KCNQ3: variants seen among roughly 807,000 people sequenced by gnomAD.
KCNQ3 encodes potassium voltage-gated channel subfamily Q member 3.
A neutral mutation model predicts 92.5 loss-of-function variants in KCNQ3; 30 were observed. The ratio of observed to expected loss-of-function variants is 0.32; its 90% CI spans 0.24 to 0.44. The LOEUF is 0.44. Among genes scored for constraint, KCNQ3 ranks in the 20% least tolerant of loss-of-function variants. KCNQ3 has a pLI of 1.00. For missense variants in KCNQ3, 913 were observed against 1,140.3 expected (o/e 0.80, Z 2.87); for synonymous variants, 450 against 468.8 (o/e 0.96, Z 0.52).
chr8:132,361,036 G>A (rs1819151960), intron 1 of KCNQ3, among the ~76,000 whole-genome samples: 2 of 152,220 alleles, frequency 1.3e-5, no homozygotes, highest in Non-Finnish European at 2.9e-5. Context: ...TATCTCTCTG[G>A]TTTCCATTCC....
At chr8:132,232,647 T>C (rs1005167753) in intron 1 of KCNQ3, among the ~76,000 whole-genome samples, 3 of 152,222 alleles carry the variant, frequency 2.0e-5, no homozygotes, top group Non-Finnish European at 4.4e-5. Context: ...GAACAGAGCA[T>C]TCAAATAACA....
chr8:132,132,412 C>T, intron 13 of KCNQ3, 148 bp from the exon 14 acceptor site: 5 of 704,586 alleles, frequency 7.1e-6, no homozygotes, highest in Non-Finnish European at 1.3e-5. Flanking sequence ...ACTCTGGAGG[C>T]ATATGTGAGT....
At chr8:132,216,098 T>C (rs1250292119) in intron 1 of KCNQ3, among the ~76,000 whole-genome samples, 2 of 152,136 alleles carry the variant, frequency 1.3e-5, no homozygotes, top group South Asian at 2.1e-4. Context: ...AGCTGTATTA[T>C]GCAGTACTTG....
intron 1 of KCNQ3, among the ~76,000 whole-genome samples, chr8:132,191,382 G>A (rs187690119): frequency 3.1e-4 from 47 of 151,956 alleles, no homozygotes; most frequent in African/African-American, 1.1e-3. Flanking sequence ...GGTCTTGAAC[G>A]CCTAGACTCA....
intron 1 of KCNQ3, among the ~76,000 whole-genome samples, chr8:132,384,414 C>T (rs534690268): frequency 7.9e-5 from 12 of 152,268 alleles, no homozygotes; most frequent in East Asian, 3.9e-4. Flanking sequence ...AATTCCAGGA[C>T]GGAGACAGGC....
At position 132,248,142 on chromosome 8, in the gene KCNQ3, T is replaced by C. The variant is rs537991723; in HGVS notation, c.387-61961A>G. Among the ~76,000 whole-genome samples the C allele has an allele frequency of 4.1e-4, 62 of 152,240 alleles. 1 individual carries two copies. In the South Asian group the frequency reaches 4.6e-3, roughly 11 times the overall value. On this transcript the variant is annotated intron_variant, in intron 1 of 14. Transcript: ENST00000388996. Reference sequence around the variant, plus strand: ...CTCCATGAAATGTACATATCAAAAATATATATCTGCATGTAAGAGAAACAC... The same window carrying C: ...CTCCATGAAATGTACATATCAAAAACATATATCTGCATGTAAGAGAAACAC...
chr8:132,433,664 C>T (rs933615330), intron 1 of KCNQ3, among the ~76,000 whole-genome samples: 6 of 151,850 alleles, frequency 4.0e-5, no homozygotes, highest in South Asian at 2.1e-4. Context: ...CCAAGGCAGG[C>T]GGATCACCTG....
In KCNQ3 at chr8:132,125,158, A is replaced by AT. The variant is rs1436528189; in HGVS notation, c.*4103dup. 2 of 152,114 alleles carry AT rather than the reference A, an allele frequency of 1.3e-5. No individual in the cohort carries two copies. Among genetic ancestry groups the AT allele is most frequent in the Non-Finnish European group, 2.9e-5 (2 of 68,024 alleles). 9.4% of individuals were successfully genotyped at this position (152,114 alleles called of 1,614,324 possible). On this transcript the variant is annotated 3_prime_UTR_variant, in exon 15 of 15. Coordinates refer to ENST00000388996, the MANE Select transcript of KCNQ3 (RefSeq NM_004519.4). Reference sequence around the variant, plus strand: ...AACAATCTTCCTCAGATTCCCTAGAATCCCCCCTTTTTGCACAGCTTCTCT... The same window carrying AT: ...AACAATCTTCCTCAGATTCCCTAGAATTCCCCCCTTTTTGCACAGCTTCTCT...
chr8:132,228,587 C>T (rs1233384651), intron 1 of KCNQ3, among the ~76,000 whole-genome samples: 1 of 151,980 alleles, frequency 6.6e-6, no homozygotes, highest in East Asian at 1.9e-4. Flanking sequence ...TCAAAAAATA[C>T]AGTTTTAATT....
chr8:132,330,313 G>A (rs184445280), intron 1 of KCNQ3, among the ~76,000 whole-genome samples: 1 of 152,202 alleles, frequency 6.6e-6, no homozygotes, highest in Non-Finnish European at 1.5e-5. Flanking sequence ...ATAAATTTCT[G>A]TTGCTTTCAG....
Position 132,467,585 on chromosome 8 carries a change from T to C in KCNQ3, c.386+12562A>G, listed in dbSNP as rs117190260. ...AGAAGCCTTCCTTGGCAAGAGTCCA[T>C]GTAGGGATGCCTGATCCCTCAGCCC... On this transcript the variant is annotated intron_variant, in intron 1 of 14. Coordinates refer to ENST00000388996, the MANE Select transcript of KCNQ3 (RefSeq NM_004519.4). Among the ~76,000 whole-genome samples the C allele has an allele frequency of 1.8e-3, 275 of 152,240 alleles. 7 individuals carry two copies. The East Asian group carries it at 0.043, about 24-fold the overall frequency.
chr8:132,292,821 C>T (rs1017787774), intron 1 of KCNQ3, among the ~76,000 whole-genome samples: 2 of 152,160 alleles, frequency 1.3e-5, no homozygotes, highest in Non-Finnish European at 2.9e-5. Context: ...CTGCCCAGTG[C>T]CAGACTCTAA....
Position 132,367,265 on chromosome 8 carries a change from T to C in KCNQ3, c.386+112882A>G, listed in dbSNP as rs369819870. 7.1e-4 allele frequency among the ~76,000 whole-genome samples: 108 copies of C among 152,334 alleles called. No homozygotes were observed. The East Asian group carries it at 0.018, about 26-fold the overall frequency. ...TTCCCACATCAGTATTTTTTTTTCC[T>C]TCTTCAATAAGATTATGAGACCTTC... On this transcript the variant is annotated intron_variant, in intron 1 of 14. Coordinates refer to ENST00000388996, the MANE Select transcript of KCNQ3 (RefSeq NM_004519.4).
intron 9 of KCNQ3, among the ~76,000 whole-genome samples, chr8:132,152,646 C>T (rs1160237234): frequency 6.6e-6 from 1 of 152,144 alleles, no homozygotes; most frequent in Non-Finnish European, 1.5e-5. Context: ...AAACTGGCCT[C>T]ATACCTTTGC....
chr8:132,442,705 C>A (rs1821569937), intron 1 of KCNQ3, among the ~76,000 whole-genome samples: 1 of 152,160 alleles, frequency 6.6e-6, no homozygotes, highest in Admixed American at 6.5e-5. Context: ...CCTATGAGGT[C>A]AAGGCATTCT....
chr8:132,447,014 G>T (rs1371348884), intron 1 of KCNQ3, among the ~76,000 whole-genome samples: 1 of 152,136 alleles, frequency 6.6e-6, no homozygotes, highest in Non-Finnish European at 1.5e-5. Flanking sequence ...TTACCATTAG[G>T]GTAGCTTCCT....
At chr8:132,216,924 T>C (rs960207273) in intron 1 of KCNQ3, among the ~76,000 whole-genome samples, 1 of 152,156 alleles carries the variant, frequency 6.6e-6, no homozygotes, top group African/African-American at 2.4e-5. Context: ...CTCTGGAATT[T>C]TGCAAGGCTG....
intron 9 of KCNQ3, among the ~76,000 whole-genome samples, chr8:132,162,676 G>A (rs747526382): frequency 5.3e-5 from 8 of 152,198 alleles, no homozygotes; most frequent in Non-Finnish European, 8.8e-5. Context: ...AAACAGAACT[G>A]ACACTGTCAG....
intron 1 of KCNQ3, among the ~76,000 whole-genome samples, chr8:132,418,206 C>A (rs188955294): frequency 3.9e-5 from 6 of 152,170 alleles, no homozygotes; most frequent in African/African-American, 1.4e-4. Flanking sequence ...TACTTTGAAG[C>A]CTGAGGACAA....
Sources: allele counts gnomAD v4.1 joint callset (sites outside exome capture counted in the v4.1 genomes callset), GRCh38; gene constraint gnomAD v4.1.1; transcripts MANE v1.5; gene names NCBI Gene and HGNC (gene_info 2026-07-23, HGNC 2026-07-21).